ARFIP1: variants seen among roughly 807,000 people sequenced by gnomAD.
The protein encoded by ARFIP1 is arfaptin-1.
ARFIP1 carries 24 observed loss-of-function variants against 42.5 expected under a neutral mutation model. The observed-to-expected ratio is 0.57, with a 90% CI of 0.41 to 0.80. The LOEUF is 0.80. Ranked by LOEUF, ARFIP1 falls within the 30% of genes least tolerant of loss-of-function variation. ARFIP1 has a pLI of 0.00. For synonymous variants in ARFIP1, 141 were observed against 153.7 expected (o/e 0.92, Z 0.61); for missense variants, 354 against 434.0 (o/e 0.82, Z 1.64).
chr4:152,862,611 G>A (rs775494449), intron 2 of ARFIP1, among the ~76,000 whole-genome samples: 16 of 151,998 alleles, frequency 1.1e-4, no homozygotes, highest in African/African-American at 1.7e-4. Flanking sequence ...CTTAAACTAC[G>A]ATCAGTCTAA....
At chr4:152,790,318 G>C (rs1282145539) in intron 1 of ARFIP1, among the ~76,000 whole-genome samples, 3 of 152,080 alleles carry the variant, frequency 2.0e-5, no homozygotes, top group Non-Finnish European at 2.9e-5. Context: ...TTTGATCTTT[G>C]AATGAAATCA....
At chr4:152,864,420 G>A (rs566443912) in intron 3 of ARFIP1, among the ~76,000 whole-genome samples, 1 of 152,324 alleles carries the variant, frequency 6.6e-6, no homozygotes, top group East Asian at 1.9e-4. Context: ...TAGCAAGCAC[G>A]ATCAGTAAAG....
chr4:152,856,391 A>C (rs1457307492), intron 2 of ARFIP1, among the ~76,000 whole-genome samples: 3 of 152,212 alleles, frequency 2.0e-5, no homozygotes, highest in Non-Finnish European at 2.9e-5. Context: ...CACAGATTCA[A>C]CCAACTGCAC....
At chr4:152,804,303 TA>T (rs377339547) in intron 1 of ARFIP1, among the ~76,000 whole-genome samples, 1 of 26,522 alleles carries the variant, frequency 3.8e-5, no homozygotes, top group Non-Finnish European at 6.8e-5. Flanking sequence ...ATATATATTA[TA>T]TATATATAAC....
chr4:152,803,519 G>A (rs777539797), intron 1 of ARFIP1, among the ~76,000 whole-genome samples: 3 of 152,086 alleles, frequency 2.0e-5, no homozygotes, highest in Non-Finnish European at 4.4e-5. Context: ...ACCAGACATT[G>A]CTAAATGGTG....
intron 1 of ARFIP1, among the ~76,000 whole-genome samples, chr4:152,826,409 G>A (rs1351673313): frequency 6.6e-6 from 1 of 152,104 alleles, no homozygotes; most frequent in African/African-American, 2.4e-5. Context: ...CTTATAAGTG[G>A]GGACTTAGCT....
intron 1 of ARFIP1, among the ~76,000 whole-genome samples, chr4:152,815,862 A>C (rs966903831): frequency 6.8e-6 from 1 of 147,520 alleles, no homozygotes; most frequent in Non-Finnish European, 1.5e-5. Context: ...CTCCTGCCTC[A>C]GCCTCCCAAG....
chr4:152,845,487 GAACTTA>G (rs1732466123), intron 2 of ARFIP1, among the ~76,000 whole-genome samples: 1 of 152,036 alleles, frequency 6.6e-6, no homozygotes, highest in South Asian at 2.1e-4. Context: ...AATTTATAAG[GAACTTA>G]AACAATTGAA....
chr4:152,880,851 A>G (rs545602334), intron 5 of ARFIP1, 112 bp from the exon 6 acceptor site: 1 of 771,140 alleles, frequency 1.3e-6, no homozygotes, highest in African/African-American at 1.7e-5. Flanking sequence ...GACAATTTTC[A>G]GTTTGTTACG....
chr4:152,786,819 C>T (rs1012759936), intron 1 of ARFIP1, among the ~76,000 whole-genome samples: 10 of 152,202 alleles, frequency 6.6e-5, no homozygotes, highest in African/African-American at 2.4e-4. Flanking sequence ...TTGTATGCAC[C>T]TTGCTCCCTG....
At chr4:152,862,507 T>TCTATAC (rs1238477119) in intron 2 of ARFIP1, among the ~76,000 whole-genome samples, 3 of 151,758 alleles carry the variant, frequency 2.0e-5, no homozygotes, top group Non-Finnish European at 4.4e-5. Context: ...TGCTATAGGC[T>TCTATAC]CTATACTTGT....
At chr4:152,846,057 C>T (rs1032926010) in intron 2 of ARFIP1, among the ~76,000 whole-genome samples, 1 of 152,114 alleles carries the variant, frequency 6.6e-6, no homozygotes, top group African/African-American at 2.4e-5. Context: ...ATGGATGCAA[C>T]TGGAGGCCAT....
At chr4:152,846,484 T>C (rs1279664453) in intron 2 of ARFIP1, among the ~76,000 whole-genome samples, 2 of 152,210 alleles carry the variant, frequency 1.3e-5, no homozygotes, top group Admixed American at 6.5e-5. Context: ...GTGAAAACAG[T>C]ATTTCAGAAG....
intron 2 of ARFIP1, among the ~76,000 whole-genome samples, chr4:152,847,919 A>G (rs907294464): frequency 3.3e-5 from 5 of 152,238 alleles, no homozygotes; most frequent in South Asian, 2.1e-4. Flanking sequence ...GTTTTTACCT[A>G]TGAACACTTT....
At position 152,795,820 on chromosome 4, in the gene ARFIP1, A is replaced by ATTTTTTTTTTTTTTTTTTTTTTT. The variant is rs56845391; in HGVS notation, c.-10+15604_-10+15626dup. Among the ~76,000 whole-genome samples, 29 of 28,062 alleles carry ATTTTTTTTTTTTTTTTTTTTTTT rather than the reference A, an allele frequency of 1.0e-3. 1 individual carries two copies. The highest frequency in any genetic ancestry group is 2.4e-3 in the East Asian group (2 of 826). 18.4% of individuals were successfully genotyped at this position (28,062 alleles called of 152,430 possible). On this transcript the variant is annotated intron_variant, in intron 1 of 8. Coordinates refer to ENST00000353617, the MANE Select transcript of ARFIP1 (RefSeq NM_001025595.3). ...CGATTGTTACTTGAGGGCCCTTGTA[A>ATTTTTTTTTTTTTTTTTTTTTTT]TTTTTTTTTTTTTTTTTTTTTTTTT...
intron 2 of ARFIP1, among the ~76,000 whole-genome samples, chr4:152,841,323 C>T (rs570435643): frequency 3.3e-5 from 5 of 152,290 alleles, no homozygotes; most frequent in Admixed American, 1.3e-4. Flanking sequence ...CATGAGCCAC[C>T]GTGCCAGGCC....
chr4:152,904,168 A>G (rs1475265662), intron 8 of ARFIP1, among the ~76,000 whole-genome samples: 3 of 132,736 alleles, frequency 2.3e-5, no homozygotes, highest in Non-Finnish European at 4.7e-5. Context: ...CTATATATAT[A>G]TGTGTGTGTG....
intron 1 of ARFIP1, among the ~76,000 whole-genome samples, chr4:152,811,254 AT>A (rs1184598242): frequency 6.6e-6 from 1 of 152,130 alleles, no homozygotes; most frequent in African/African-American, 2.4e-5. Flanking sequence ...CTCAAGTATT[AT>A]CCGATATGTT....
chr4:152,805,442 A>C (rs1336941041), intron 1 of ARFIP1, among the ~76,000 whole-genome samples: 1 of 152,232 alleles, frequency 6.6e-6, no homozygotes, highest in Non-Finnish European at 1.5e-5. Context: ...ATTGCTTAAC[A>C]CTGGATTTGG....
Sources: gnomAD v4.1 joint callset for allele counts (sites outside exome capture counted in the v4.1 genomes callset) on GRCh38, gnomAD v4.1.1 for gene constraint, MANE v1.5 for transcripts, NCBI Gene and HGNC (gene_info 2026-07-23, HGNC 2026-07-21) for gene names.